SHB: variants seen among roughly 807,000 people sequenced by gnomAD.
SHB encodes SH2 domain containing adaptor protein B, also known as SH2 domain-containing adapter protein B.
A neutral mutation model predicts 52.3 loss-of-function variants in SHB; 20 were observed. The ratio of observed to expected loss-of-function variants is 0.38; its 90% CI spans 0.27 to 0.56. SHB has a LOEUF of 0.56. Among genes scored for constraint, SHB ranks in the 20% least tolerant of loss-of-function variants. The pLI, the probability that SHB is intolerant of heterozygous loss-of-function variation, is 0.71. For missense variants in SHB, 825 were observed against 723.3 expected (o/e 1.14, Z -1.61); for synonymous variants, 397 against 316.5 (o/e 1.25, Z -2.70).
chr9:38,014,991 A>C (rs1441414159), intron 2 of SHB, among the ~76,000 whole-genome samples: 1 of 152,198 alleles, frequency 6.6e-6, no homozygotes, highest in East Asian at 1.9e-4. Context: ...AAACCAGACA[A>C]ACAATAAGAG....
At chr9:38,067,869 C>T (rs1334503114) in intron 1 of SHB, 60 bp downstream of exon 1, 2 of 1,400,238 alleles carry the variant, frequency 1.4e-6, no homozygotes, top group African/African-American at 1.5e-5. Flanking sequence ...GCGGGTGCCT[C>T]GGTTTCCCCG....
rs1251226929 is a variant in SHB at position 37,916,162 on chromosome 9, C to G, written c.*3659G>C. 7.9e-5 allele frequency among the ~76,000 whole-genome samples: 12 copies of G among 152,240 alleles called. No homozygotes were observed. ...CTGGGAGGTGCGCCCACATCTAAGA[C>G]TGTGCGCCCTGCACTCCCTCTGGAT... is the stretch of plus-strand genomic sequence containing the variant. On this transcript the variant is annotated 3_prime_UTR_variant, in exon 6 of 6. Coordinates refer to ENST00000377707, the MANE Select transcript of SHB (RefSeq NM_003028.3).
chr9:37,983,507 C>T (rs1820765213), intron 2 of SHB, among the ~76,000 whole-genome samples: 1 of 152,182 alleles, frequency 6.6e-6, no homozygotes, highest in African/African-American at 2.4e-5. Flanking sequence ...CTGGGCAGGA[C>T]ACAGGCTGGC....
intron 2 of SHB, among the ~76,000 whole-genome samples, chr9:37,995,556 C>T (rs929843108): frequency 6.6e-6 from 1 of 152,328 alleles, no homozygotes; most frequent in Middle Eastern, 3.4e-3. Context: ...ACCTCAGAGG[C>T]CCTACTGAAT....
chr9:37,979,620 GAA>G (rs111982445), intron 2 of SHB, among the ~76,000 whole-genome samples: 1 of 135,196 alleles, frequency 7.4e-6, no homozygotes. Flanking sequence ...GTGCCTCCCT[GAA>G]AAAAAAAAAA....
chr9:38,048,642 A>C (rs1055920269), intron 1 of SHB, among the ~76,000 whole-genome samples: 2 of 152,172 alleles, frequency 1.3e-5, no homozygotes, highest in Non-Finnish European at 2.9e-5. Flanking sequence ...TCAAAATAAT[A>C]ATGATAAATA....
At chr9:38,017,150 T>C (rs919575568) in intron 1 of SHB, among the ~76,000 whole-genome samples, 1 of 152,228 alleles carries the variant, frequency 6.6e-6, no homozygotes, top group African/African-American at 2.4e-5. Flanking sequence ...ACGCCCCTCC[T>C]GCTTAGCCCC....
At chr9:38,067,908 A>T (rs1435980281) in intron 1 of SHB, 21 bp downstream of exon 1, 1 of 1,453,538 alleles carries the variant, frequency 6.9e-7, no homozygotes, top group Non-Finnish European at 9.0e-7. Context: ...AACCTCGGGA[A>T]GAGGCCAAGG....
chr9:37,925,520 C>T (rs912165268), intron 5 of SHB, among the ~76,000 whole-genome samples: 1 of 152,200 alleles, frequency 6.6e-6, no homozygotes. Context: ...ATTCCTGAGG[C>T]CACTCAGCCG....
chr9:38,032,150 C>T (rs962008120), intron 1 of SHB, among the ~76,000 whole-genome samples: 1 of 152,190 alleles, frequency 6.6e-6, no homozygotes, highest in African/African-American at 2.4e-5. Flanking sequence ...AGGGACGATG[C>T]TTACAGAGGG....
At position 37,928,612 on chromosome 9, in the gene SHB, G is replaced by A. The variant is rs573930590; in HGVS notation, c.1347-8608C>T. 2.6e-5 allele frequency among the ~76,000 whole-genome samples: 4 copies of A among 152,332 alleles called. No individual in the cohort carries two copies. The East Asian group carries it at 7.7e-4, about 29-fold the overall frequency. ...AGCTTCCCACAGTGCCTAGGCTAAA[G>A]CCACACCACTCGCTAGACGGCCAGT... is the stretch of plus-strand genomic sequence containing the variant. On this transcript the variant is annotated intron_variant, in intron 5 of 5. Transcript: ENST00000377707.
intron 2 of SHB, among the ~76,000 whole-genome samples, chr9:38,000,409 T>A (rs1820996563): frequency 6.6e-6 from 1 of 152,220 alleles, no homozygotes; most frequent in Non-Finnish European, 1.5e-5. Context: ...ACCTTGCCCT[T>A]GTTTCCCCAT....
At position 38,013,475 on chromosome 9, in the gene SHB, G is replaced by A. The variant is rs184922495; in HGVS notation, c.838+2536C>T. Reference sequence around the variant, plus strand: ...GAAAATTAGCCTGGCACGGTGGCACGTGCCTATGGTCTCAACTACTCAGGA... The same window carrying A: ...GAAAATTAGCCTGGCACGGTGGCACATGCCTATGGTCTCAACTACTCAGGA... On this transcript the variant is annotated intron_variant, in intron 2 of 5. Coordinates refer to ENST00000377707, the MANE Select transcript of SHB (RefSeq NM_003028.3). Among the ~76,000 whole-genome samples, 288 of 152,282 alleles carry A rather than the reference G, an allele frequency of 1.9e-3. 1 individual carries two copies. The highest frequency in any genetic ancestry group is 6.5e-3 in the African/African-American group (270 of 41,552).
chr9:37,965,417 T>G (rs935903464), intron 3 of SHB, among the ~76,000 whole-genome samples: 3 of 152,154 alleles, frequency 2.0e-5, no homozygotes, highest in Admixed American at 6.5e-5. Context: ...AGAAATGCCC[T>G]CCTACTGCCT....
chr9:38,027,871 C>T (rs1173373901), intron 1 of SHB, among the ~76,000 whole-genome samples: 1 of 152,018 alleles, frequency 6.6e-6, no homozygotes, highest in East Asian at 1.9e-4. Context: ...GTCTTGACAG[C>T]ATCTGCTGCC....
At position 37,917,450 on chromosome 9, in the gene SHB, G is replaced by A. The variant is rs1292510367; in HGVS notation, c.*2371C>T. Among the ~76,000 whole-genome samples, 3 of 152,206 alleles carry A rather than the reference G, an allele frequency of 2.0e-5. No individual in the cohort carries two copies. Among genetic ancestry groups the A allele is most frequent in the Non-Finnish European group, 2.9e-5 (2 of 68,034 alleles). On this transcript the variant is annotated 3_prime_UTR_variant, in exon 6 of 6. Coordinates refer to ENST00000377707, the MANE Select transcript of SHB (RefSeq NM_003028.3). ...CTTTTCTGAGGAGCAATGTGCCCGGGAAGATGGTCTACAGGGAAGGACCGT... is the reference window on the plus strand; with the variant it reads ...CTTTTCTGAGGAGCAATGTGCCCGGAAAGATGGTCTACAGGGAAGGACCGT...
intron 5 of SHB, among the ~76,000 whole-genome samples, chr9:37,935,323 G>A (rs1194509561): frequency 3.9e-5 from 6 of 152,144 alleles, no homozygotes; most frequent in Admixed American, 1.3e-4. Flanking sequence ...AAGCCTGCCC[G>A]GCACCGTGCA....
intron 1 of SHB, among the ~76,000 whole-genome samples, chr9:38,019,051 C>T (rs1821251006): frequency 6.6e-6 from 1 of 152,232 alleles, no homozygotes; most frequent in Non-Finnish European, 1.5e-5. Context: ...GCAGGCCAGG[C>T]CACCTGGGTC....
At chr9:37,956,511 T>C (rs758070549) in intron 3 of SHB, among the ~76,000 whole-genome samples, 1 of 152,224 alleles carries the variant, frequency 6.6e-6, no homozygotes, top group Non-Finnish European at 1.5e-5. Context: ...TTCCCTGGGA[T>C]ACTCCTATAG....
Sources: gnomAD v4.1 joint callset for allele counts (sites outside exome capture counted in the v4.1 genomes callset) on GRCh38, gnomAD v4.1.1 for gene constraint, MANE v1.5 for transcripts, NCBI Gene and HGNC (gene_info 2026-07-23, HGNC 2026-07-21) for gene names.